The following AVEN variants were observed in gnomAD, a reference collection of about 807,000 sequenced individuals.
AVEN encodes the protein cell death regulator Aven.
A neutral mutation model predicts 38.1 loss-of-function variants in AVEN; 41 were observed. That is an observed-to-expected ratio of 1.08 (90% CI 0.84 to 1.40). The LOEUF (loss-of-function observed/expected upper bound fraction) is 1.40, where lower values mean the gene tolerates loss of function less well. AVEN is among the 40% of genes most tolerant of loss of function. AVEN has a pLI of 0.00. For synonymous variants in AVEN, 206 were observed against 171.8 expected (o/e 1.20, Z -1.56); for missense variants, 605 against 438.8 (o/e 1.38, Z -3.38).
Position 33,952,441 on chromosome 15 carries a change from G to C in AVEN, c.445+50591C>G, listed in dbSNP as rs1208274625. Among the ~76,000 whole-genome samples, 4 of 152,208 alleles carry C rather than the reference G, an allele frequency of 2.6e-5. No homozygotes were observed. The East Asian group carries it at 7.7e-4, about 29-fold the overall frequency. On this transcript the variant is annotated intron_variant, in intron 2 of 5. Transcript: ENST00000306730. ...GTAGTAACTTGGTTGCAGGAAATGA[G>C]AAATTAAGTCTCATCCACTGTAATT...
At chr15:34,025,745 G>T (rs979787892) in intron 1 of AVEN, among the ~76,000 whole-genome samples, 13 of 147,744 alleles carry the variant, frequency 8.8e-5, no homozygotes, top group Admixed American at 2.7e-4. Flanking sequence ...TTTTTGTTTT[G>T]GTTTGGTTTT....
Position 34,039,049 on chromosome 15 carries a change from G to C in AVEN, c.-3C>G. 9.1e-7 allele frequency: 1 copy of C among 1,103,426 alleles called. No homozygotes were observed. The highest frequency in any genetic ancestry group is 1.1e-6 in the Non-Finnish European group (1 of 907,782). 68.4% of individuals were successfully genotyped at this position (1,103,426 alleles called of 1,614,324 possible). On this transcript the variant is annotated 5_prime_UTR_variant, in exon 1 of 6. Coordinates refer to ENST00000306730, the MANE Select transcript of AVEN (RefSeq NM_020371.3). Reference sequence around the variant, plus strand: ...CGAGCTCCTCGCTCCGCCTGCATCTGGCCGCCGCTGGCGGTGCTGAGCGCG... The same window carrying C: ...CGAGCTCCTCGCTCCGCCTGCATCTCGCCGCCGCTGGCGGTGCTGAGCGCG...
At chr15:34,023,273 C>G (rs1898292766) in intron 1 of AVEN, among the ~76,000 whole-genome samples, 2 of 152,202 alleles carry the variant, frequency 1.3e-5, no homozygotes, top group South Asian at 4.1e-4. Flanking sequence ...AATCTGCCAG[C>G]TTTTCTTTAC....
intron 2 of AVEN, among the ~76,000 whole-genome samples, chr15:33,922,412 T>C (rs775491485): frequency 6.1e-5 from 9 of 147,608 alleles, no homozygotes; most frequent in African/African-American, 2.0e-4. Flanking sequence ...TAAGGGCTGA[T>C]TCTTGTGAAT....
At chr15:33,904,682 T>TAAAAAA (rs77784482) in intron 2 of AVEN, among the ~76,000 whole-genome samples, 19 of 133,792 alleles carry the variant, frequency 1.4e-4, no homozygotes, top group African/African-American at 5.2e-4. Flanking sequence ...ACTGTTTCTT[T>TAAAAAA]AAAAAAAAAA....
downstream of AVEN, chr15:33,857,898 GCGA>G: frequency 6.2e-7 from 1 of 1,614,094 alleles, no homozygotes; most frequent in Non-Finnish European, 8.5e-7. Context: ...GATATGAAGT[GCGA>G]CGACATGATG....
Position 33,867,812 on chromosome 15 carries a change from G to C in AVEN, c.656C>G (p.Thr219Ser). 2 of 1,606,804 alleles carry C rather than the reference G, an allele frequency of 1.2e-6. No individual in the cohort carries two copies. The highest frequency in any genetic ancestry group is 2.2e-5 in the East Asian group (1 of 44,844). Residue 219 changes from threonine to serine, a missense_variant, in exon 5 of 6, where the codon ACT becomes AGT. Physicochemically the swap from Thr to Ser is moderately conservative, Grantham distance 58. Transcript: ENST00000306730. ...CATCCCTAATCCCTTGCCATCATCAGTTCTCTTTGGTTTCACCTGAGGAAC... is the reference window on the plus strand; with the variant it reads ...CATCCCTAATCCCTTGCCATCATCACTTCTCTTTGGTTTCACCTGAGGAAC... ...LEVPQVKPKR[T>S]DDGKGLGMQL...
chr15:33,867,532 T>C lies in AVEN; in HGVS notation c.936A>G (p.Lys312=). 1 of 1,599,616 alleles carries C rather than the reference T, an allele frequency of 6.3e-7. No individual in the cohort carries two copies. The highest frequency in any genetic ancestry group is 8.5e-7 in the Non-Finnish European group (1 of 1,173,752). The change falls in exon 5 of 6, where the codon AAA becomes AAG. Residue 312 remains lysine (K), a synonymous_variant. Transcript: ENST00000306730. ...ILPDQTSQDL[K]SKEDGEVVQE... ...GGACCACCTCCCCATCTTCCTTGGATTTCAGGTCCTGAGACGTCTGATCTG... is the reference window on the plus strand; with the variant it reads ...GGACCACCTCCCCATCTTCCTTGGACTTCAGGTCCTGAGACGTCTGATCTG...
chr15:34,042,514 C>T (rs1899514683), upstream of AVEN, among the ~76,000 whole-genome samples: 1 of 151,268 alleles, frequency 6.6e-6, no homozygotes, highest in Admixed American at 6.6e-5. Context: ...GATTCTCCTG[C>T]CTCAGCTTCC....
At chr15:34,019,362 T>A (rs1424361126) in intron 1 of AVEN, among the ~76,000 whole-genome samples, 4 of 152,222 alleles carry the variant, frequency 2.6e-5, no homozygotes, top group Non-Finnish European at 4.4e-5. Context: ...CTAAGTGTTA[T>A]TACAAGAGTC....
chr15:33,948,916 G>A (rs549625122), intron 2 of AVEN, among the ~76,000 whole-genome samples: 5 of 151,838 alleles, frequency 3.3e-5, no homozygotes, highest in East Asian at 2.0e-4. Context: ...CAAGGGATCC[G>A]CCCACCTTGG....
At chr15:33,878,245 G>A (rs1287394306) in intron 2 of AVEN, among the ~76,000 whole-genome samples, 3 of 151,796 alleles carry the variant, frequency 2.0e-5, no homozygotes, top group East Asian at 1.9e-4. Context: ...TTTTTAAATG[G>A]TAAAGAAGTT....
intron 2 of AVEN, among the ~76,000 whole-genome samples, chr15:33,938,857 G>A (rs924939599): frequency 2.6e-5 from 4 of 152,082 alleles, no homozygotes; most frequent in East Asian, 1.9e-4. Flanking sequence ...GGGGATTGGC[G>A]GGGGGCAGAG....
At chr15:33,983,576 A>C (rs1315391775) in intron 2 of AVEN, among the ~76,000 whole-genome samples, 1 of 152,106 alleles carries the variant, frequency 6.6e-6, no homozygotes, top group Non-Finnish European at 1.5e-5. Context: ...TGAACTTTTA[A>C]GGAAAAACAG....
intron 1 of AVEN, among the ~76,000 whole-genome samples, chr15:34,030,048 G>A (rs932950419): frequency 2.6e-5 from 4 of 152,152 alleles, no homozygotes; most frequent in African/African-American, 9.7e-5. Context: ...GAGGTCAGGA[G>A]TTCGAGCCCA....
intron 11 of AVEN, chr15:33,859,738 T>G: frequency 6.2e-7 from 1 of 1,602,742 alleles, no homozygotes; most frequent in Non-Finnish European, 8.5e-7. Context: ...CAAGGTATGA[T>G]TGCCAATTGT....
downstream of AVEN, chr15:33,857,765 T>A: frequency 1.2e-6 from 2 of 1,613,948 alleles, no homozygotes; most frequent in South Asian, 2.2e-5. Flanking sequence ...CCTTTCTCTG[T>A]CCTCTCATTC....
At chr15:33,905,122 T>A (rs1892646237) in intron 2 of AVEN, among the ~76,000 whole-genome samples, 1 of 57,282 alleles carries the variant, frequency 1.7e-5, no homozygotes, top group Non-Finnish European at 3.4e-5. Context: ...AGAGCAAGAC[T>A]CCGTCTCCAA....
At chr15:34,042,939 G>A (rs1040436264), upstream of AVEN, among the ~76,000 whole-genome samples, 1 of 151,928 alleles carries the variant, frequency 6.6e-6, no homozygotes, top group Admixed American at 6.6e-5. Flanking sequence ...AAGAAACCCA[G>A]TAATTCCTAG....
Sources: gnomAD v4.1 joint callset for allele counts (sites outside exome capture counted in the v4.1 genomes callset) on GRCh38, gnomAD v4.1.1 for gene constraint, MANE v1.5 for transcripts, NCBI Gene and HGNC (gene_info 2026-07-23, HGNC 2026-07-21) for gene names.